Variants in ADD1 observed in about 807,000 individuals in gnomAD.
ADD1 encodes the protein alpha-adducin.
In ADD1, 24 loss-of-function variants were observed where a neutral mutation model predicts 80.5. The observed-to-expected ratio is 0.30, with a 90% confidence interval of 0.22 to 0.42. The LOEUF is 0.42. ADD1 is among the 10% of genes least tolerant of loss of function. The pLI, the probability that ADD1 is intolerant of heterozygous loss-of-function variation, is 1.00. For missense variants in ADD1, 948 were observed against 1,019.0 expected, an observed-to-expected ratio of 0.93 and a Z score of 0.95; for synonymous variants, 373 against 393.8, an observed-to-expected ratio of 0.95 and a Z score of 0.63.
chr4:2,899,185 A>G, intron 8 of ADD1, 74 bp from the exon 9 acceptor site: 2 of 1,463,058 alleles, frequency 1.4e-6, no homozygotes, highest in East Asian at 2.3e-5. Flanking sequence ...TGAAACCTAC[A>G]TTTTTATTCA....
At chr4:2,899,174 T>C in intron 8 of ADD1, 85 bp from the exon 9 acceptor site, 1 of 1,387,172 alleles carries the variant, frequency 7.2e-7, no homozygotes, top group Non-Finnish European at 9.8e-7. Flanking sequence ...TTGGTTTCTT[T>C]TGAAACCTAC....
At chr4:2,880,721 C>T (rs1287580133) in intron 2 of ADD1, among the ~76,000 whole-genome samples, 11 of 151,900 alleles carry the variant, frequency 7.2e-5, no homozygotes, top group South Asian at 2.1e-4. Flanking sequence ...GTGATCCGCC[C>T]GCCTCGGCCT....
chr4:2,880,120 C>G (rs77893341), intron 2 of ADD1, among the ~76,000 whole-genome samples: 1 of 152,044 alleles, frequency 6.6e-6, no homozygotes, highest in African/African-American at 2.4e-5. Context: ...TTGTTTATTT[C>G]TTGCTTGCAG....
intron 14 of ADD1, among the ~76,000 whole-genome samples, chr4:2,924,973 G>C (rs532034448): frequency 1.3e-5 from 2 of 152,182 alleles, no homozygotes; most frequent in Non-Finnish European, 2.9e-5. Context: ...GTTTCCCCCC[G>C]ATGTGTGAGG....
rs375490346 is a variant in ADD1 at position 2,905,072 on chromosome 4, C to T, written c.1470C>T (p.Ser490=). ...AACCCTTGCTGCAGTCTCTCTCGTC[C>T]GGTGTCTGCGTGCCAAGCTGTATTA... ...HVKPLLQSLS[S]GVCVPSCITN... The change falls in exon 10 of 16, where the codon TCC becomes TCT. Residue 490 remains serine (S), a synonymous_variant. Transcript: ENST00000683351. The T allele has an allele frequency of 5.2e-4, 839 of 1,614,072 alleles. 1 individual carries two copies. Among genetic ancestry groups the T allele is most frequent in the Non-Finnish European group, 6.2e-4 (727 of 1,180,044 alleles).
chr4:2,909,559 T>A (rs1235067334), intron 13 of ADD1, 128 bp downstream of exon 13: 1 of 684,302 alleles, frequency 1.5e-6, no homozygotes, highest in African/African-American at 1.8e-5. Flanking sequence ...TTAACCTGTT[T>A]GTGAGATTGT....
At chr4:2,860,538 G>A (rs1393826981) in intron 1 of ADD1, among the ~76,000 whole-genome samples, 2 of 152,136 alleles carry the variant, frequency 1.3e-5, no homozygotes, top group Non-Finnish European at 2.9e-5. Context: ...TTAGATTAGC[G>A]TTGTTAGTCC....
intron 14 of ADD1, among the ~76,000 whole-genome samples, chr4:2,916,496 G>T (rs186287836): frequency 1.8e-4 from 27 of 152,074 alleles, no homozygotes; most frequent in Admixed American, 5.2e-4. Context: ...GCCCGGCCCT[G>T]AATATTATTT....
At chr4:2,889,542 C>T (rs1733953801) in intron 4 of ADD1, among the ~76,000 whole-genome samples, 1 of 152,130 alleles carries the variant, frequency 6.6e-6, no homozygotes, top group Non-Finnish European at 1.5e-5. Flanking sequence ...ATACCATAGG[C>T]CAGGCGTGGT....
At chr4:2,911,448 A>ATATATATATATATATATTTT (rs553567632) in intron 13 of ADD1, among the ~76,000 whole-genome samples, 1 of 130,520 alleles carries the variant, frequency 7.7e-6, no homozygotes, top group African/African-American at 3.0e-5. Flanking sequence ...ATATATATAT[A>ATATATATATATATATATTTT]TTTTTTTTTT....
chr4:2,889,183 T>C (rs1208202296), intron 4 of ADD1, among the ~76,000 whole-genome samples: 1 of 152,182 alleles, frequency 6.6e-6, no homozygotes, highest in African/African-American at 2.4e-5. Context: ...TAGGGCCAAA[T>C]TGCATGCATT....
chr4:2,893,281 GA>G lies in ADD1; in HGVS notation c.511-720del, dbSNP rs1303022792. Reference sequence around the variant, plus strand: ...TTTTGTCAGTGCCTACTGCAGCAAGGAAAAAAAAAAAAGGACATTCTGTTTG... The same window carrying G: ...TTTTGTCAGTGCCTACTGCAGCAAGGAAAAAAAAAAAGGACATTCTGTTTG... On this transcript the variant is annotated intron_variant, in intron 4 of 15. Transcript: ENST00000683351. Among the ~76,000 whole-genome samples, 281 of 138,674 alleles carry G rather than the reference GA, an allele frequency of 2.0e-3. 2 individuals carry two copies. Among genetic ancestry groups the G allele is most frequent in the Middle Eastern group, 0.014 (4 of 280 alleles). 91.0% of individuals were successfully genotyped at this position (138,674 alleles called of 152,430 possible).
At chr4:2,887,336 G>T (rs2108965658) in intron 4 of ADD1, among the ~76,000 whole-genome samples, 1 of 152,204 alleles carries the variant, frequency 6.6e-6, no homozygotes, top group South Asian at 2.1e-4. Context: ...TTGAAAGGGG[G>T]TCATAGGGAT....
At chr4:2,898,972 C>T (rs1735728157) in intron 8 of ADD1, 1 of 421,422 alleles carries the variant, frequency 2.4e-6, no homozygotes, top group Admixed American at 4.2e-5. Context: ...CCCTCTGCTT[C>T]TTGACTTATG....
intron 1 of ADD1, among the ~76,000 whole-genome samples, chr4:2,863,954 T>C (rs1729175895): frequency 6.6e-6 from 1 of 152,124 alleles, no homozygotes; most frequent in Non-Finnish European, 1.5e-5. Context: ...AACAGAATCA[T>C]TTTGGAGTGG....
At chr4:2,889,770 T>C (rs1374603783) in intron 4 of ADD1, among the ~76,000 whole-genome samples, 2 of 152,096 alleles carry the variant, frequency 1.3e-5, no homozygotes, top group East Asian at 3.9e-4. Context: ...TGCAGTGAGC[T>C]GAGATTGTGC....
At chr4:2,916,629 G>T (rs1577711393) in intron 14 of ADD1, among the ~76,000 whole-genome samples, 1 of 152,174 alleles carries the variant, frequency 6.6e-6, no homozygotes. Context: ...GGTGGCACAT[G>T]TATGGGTGGC....
chr4:2,915,958 C>G (rs1213794980), intron 14 of ADD1, among the ~76,000 whole-genome samples: 1 of 152,064 alleles, frequency 6.6e-6, no homozygotes, highest in Non-Finnish European at 1.5e-5. Flanking sequence ...TCTGCCAAAA[C>G]GAGGCTGACC....
Position 2,915,057 on chromosome 4 carries a change from C to T in ADD1, c.1948+17C>T, listed in dbSNP as rs757486416. 8 of 1,598,688 alleles carry T rather than the reference C, an allele frequency of 5.0e-6. No homozygotes were observed. In the African/African-American group the frequency reaches 9.4e-5, roughly 19 times the overall value. ...GCTCTGAAGGTGAGTGCTTGTGGTC[C>T]TGGGCACGGCCACTCCAGAAGGTGA... On this transcript the variant is annotated intron_variant, in intron 14 of 15. Transcript: ENST00000683351.
Sources: allele counts gnomAD v4.1 joint callset (sites outside exome capture counted in the v4.1 genomes callset), GRCh38; gene constraint gnomAD v4.1.1; transcripts MANE v1.5; gene names NCBI Gene and HGNC (gene_info 2026-07-23, HGNC 2026-07-21).